Variants in LYRM4 observed in about 807,000 individuals in gnomAD.
The protein encoded by LYRM4 is LYR motif containing 4.
In LYRM4, 9 loss-of-function variants were observed where a neutral mutation model predicts 11.7. That is an observed-to-expected ratio of 0.77 (90% CI 0.46 to 1.34). The LOEUF is 1.34. LYRM4 is among the 40% of genes most tolerant of loss of function. The pLI, the probability that LYRM4 is intolerant of heterozygous loss-of-function variation, is 0.00. For synonymous variants in LYRM4, 42 were observed against 40.4 expected, an observed-to-expected ratio of 1.04 and a Z score of -0.15; for missense variants, 133 against 112.5, an observed-to-expected ratio of 1.18 and a Z score of -0.82.
chr6:5,217,131 C>T (rs1055885112), intron 1 of LYRM4, among the ~76,000 whole-genome samples: 6 of 152,052 alleles, frequency 3.9e-5, no homozygotes, highest in Non-Finnish European at 8.8e-5. Flanking sequence ...TCAGCCTGGG[C>T]GACAATGCGA....
chr6:5,201,905 G>A (rs911871747), intron 2 of LYRM4, among the ~76,000 whole-genome samples: 5 of 152,176 alleles, frequency 3.3e-5, no homozygotes, highest in African/African-American at 7.2e-5. Context: ...TACTGGCTGC[G>A]GAGTCTTAAG....
intron 2 of LYRM4, among the ~76,000 whole-genome samples, chr6:5,170,385 A>G (rs1165329686): frequency 6.6e-6 from 1 of 151,784 alleles, no homozygotes; most frequent in East Asian, 1.9e-4. Context: ...ATATATATGC[A>G]TTTTTCAAGG....
At chr6:5,069,177 C>T in the LYRM4 span, among the ~76,000 whole-genome samples, 2 of 152,192 alleles carry the variant, frequency 1.3e-5, no homozygotes, top group South Asian at 2.1e-4. Context: ...TGATCAAACG[C>T]GGTAGGGCAG....
chr6:5,102,836 T>A (rs1762545112), downstream of LYRM4: 1 of 152,198 alleles, frequency 6.6e-6, no homozygotes, highest in Admixed American at 6.5e-5. Flanking sequence ...GTCATCTAAT[T>A]TCAAGACAGC....
chr6:5,168,817 T>G (rs781655752), intron 2 of LYRM4, among the ~76,000 whole-genome samples: 11 of 152,164 alleles, frequency 7.2e-5, no homozygotes, highest in Non-Finnish European at 1.2e-4. Flanking sequence ...AGACGTATGT[T>G]GAAGAATTTA....
intron 1 of LYRM4, among the ~76,000 whole-genome samples, chr6:5,252,198 GA>G (rs1764464532): frequency 6.6e-6 from 1 of 152,180 alleles, no homozygotes; most frequent in African/African-American, 2.4e-5. Flanking sequence ...TGTTTCTACA[GA>G]TTTTGCAGGC....
Position 5,148,860 on chromosome 6 carries a change from C to T in LYRM4, c.208-39369G>A, listed in dbSNP as rs558354588. ...AAAAATTACCTTGTCATTTGTAGCG[C>T]GCTTCCAAGTATAAAATTAAACGTG... is the stretch of plus-strand genomic sequence containing the variant. On this transcript the variant is annotated intron_variant, in intron 2 of 2. Coordinates refer to ENST00000330636, the MANE Select transcript of LYRM4 (RefSeq NM_020408.6). 5.2e-4 allele frequency among the ~76,000 whole-genome samples: 79 copies of T among 152,266 alleles called. 1 individual carries two copies. The highest frequency in any genetic ancestry group is 1.4e-3 in the African/African-American group (57 of 41,554).
the LYRM4 span, among the ~76,000 whole-genome samples, chr6:5,098,023 A>G: frequency 6.6e-6 from 1 of 152,116 alleles, no homozygotes; most frequent in African/African-American, 2.4e-5. Flanking sequence ...GGATCTTGCT[A>G]TGTTGCCCAG....
chr6:5,069,701 G>C, the LYRM4 span, among the ~76,000 whole-genome samples: 2 of 152,012 alleles, frequency 1.3e-5, no homozygotes, highest in East Asian at 1.9e-4. Context: ...GGCTGGTCTC[G>C]ATCTCCTGAC....
In LYRM4 at chr6:5,124,476, C is replaced by T. The variant is rs1242243556; in HGVS notation, c.208-14985G>A. Among the ~76,000 whole-genome samples the T allele has an allele frequency of 2.0e-5, 3 of 152,218 alleles. No individual in the cohort carries two copies. The East Asian group carries it at 5.8e-4, about 29-fold the overall frequency. On this transcript the variant is annotated intron_variant, in intron 2 of 2. Transcript: ENST00000330636. ...TGTCCTTTGCTTCTTTGTTCTTTCT[C>T]CTCTTTTCCATTTCCGCCTTTTGCC...
chr6:5,242,364 G>A (rs1304350997), intron 1 of LYRM4, among the ~76,000 whole-genome samples: 2 of 140,854 alleles, frequency 1.4e-5, no homozygotes, highest in African/African-American at 2.9e-5. Context: ...GAGCCACTGC[G>A]CCCGGCCACT....
At chr6:5,034,418 A>C in the LYRM4 span, 1 of 152,182 alleles carries the variant, frequency 6.6e-6, no homozygotes, top group African/African-American at 2.4e-5. Flanking sequence ...AGTGTGGGAG[A>C]TGGGGCCTGG....
chr6:5,260,521 T>C, intron 1 of LYRM4, 127 bp downstream of exon 1: 1 of 1,292,570 alleles, frequency 7.7e-7, no homozygotes, highest in Non-Finnish European at 1.1e-6. Flanking sequence ...CGGAGCCCGG[T>C]CCTTGCCTCG....
intron 2 of LYRM4, among the ~76,000 whole-genome samples, chr6:5,158,029 CTGTT>C (rs1158842694): frequency 6.6e-6 from 1 of 152,142 alleles, no homozygotes; most frequent in East Asian, 1.9e-4. Flanking sequence ...GCCACACACT[CTGTT>C]TGCTATGGGG....
chr6:5,186,191 A>G (rs370043844), intron 2 of LYRM4, among the ~76,000 whole-genome samples: 1 of 152,136 alleles, frequency 6.6e-6, no homozygotes, highest in South Asian at 2.1e-4. Flanking sequence ...GCTGGGCAGA[A>G]GCATGACTTG....
chr6:5,142,023 C>T lies in LYRM4; in HGVS notation c.208-32532G>A, dbSNP rs1166945555. Reference sequence around the variant, plus strand: ...GGCTGCCCTGTTTCTGTGCATGTGTCGGGGGGGATGCGGGTACAGGTGATA... The same window carrying T: ...GGCTGCCCTGTTTCTGTGCATGTGTTGGGGGGGATGCGGGTACAGGTGATA... On this transcript the variant is annotated intron_variant, in intron 2 of 2. Coordinates refer to ENST00000330636, the MANE Select transcript of LYRM4 (RefSeq NM_020408.6). Among the ~76,000 whole-genome samples the T allele has an allele frequency of 7.9e-5, 12 of 152,076 alleles. No individual in the cohort carries two copies. The East Asian group carries it at 1.4e-3, about 17-fold the overall frequency.
At chr6:5,155,717 C>T (rs1055445845) in intron 2 of LYRM4, among the ~76,000 whole-genome samples, 2 of 152,176 alleles carry the variant, frequency 1.3e-5, no homozygotes, top group Non-Finnish European at 2.9e-5. Flanking sequence ...GGCAGCAAAA[C>T]GTATGGATAG....
At chr6:5,196,138 G>A (rs578138393) in intron 2 of LYRM4, among the ~76,000 whole-genome samples, 8 of 152,314 alleles carry the variant, frequency 5.3e-5, no homozygotes, top group South Asian at 2.1e-4. Context: ...CTGGGGCAAC[G>A]TGGCTCCGAC....
the LYRM4 span, chr6:5,066,564 A>G: frequency 1.1e-6 from 1 of 929,236 alleles, no homozygotes; most frequent in South Asian, 1.3e-5. Flanking sequence ...TTTTCCATCC[A>G]GATTTTTTCC....
Sources: gnomAD v4.1 joint callset for allele counts (sites outside exome capture counted in the v4.1 genomes callset) on GRCh38, gnomAD v4.1.1 for gene constraint, MANE v1.5 for transcripts, NCBI Gene and HGNC (gene_info 2026-07-23, HGNC 2026-07-21) for gene names.